FILIP1L: variants seen among roughly 807,000 people sequenced by gnomAD.
FILIP1L encodes filamin A interacting protein 1 like.
FILIP1L carries 55 observed loss-of-function variants against 96.6 expected under a neutral mutation model. The ratio of observed to expected loss-of-function variants is 0.57; its 90% CI spans 0.46 to 0.71. FILIP1L has a LOEUF of 0.71. Ranked by LOEUF, FILIP1L falls within the 30% of genes least tolerant of loss-of-function variation. The probability of loss-of-function intolerance (pLI) is 0.00; values close to 1 mark genes in which losing one functional copy is unlikely to be tolerated. For synonymous variants in FILIP1L, 467 were observed against 473.9 expected (o/e 0.99, Z 0.19); for missense variants, 1,304 against 1,321.2 (o/e 0.99, Z 0.20).
Position 99,850,758 on chromosome 3 carries a change from T to C in FILIP1L, c.918A>G (p.Gln306=), listed in dbSNP as rs749076151. 1.2e-6 allele frequency: 2 copies of C among 1,614,220 alleles called. No individual in the cohort carries two copies. Among genetic ancestry groups the C allele is most frequent in the East Asian group, 4.5e-5 (2 of 44,880 alleles). The change falls in exon 5 of 6, where the codon CAA becomes CAG. Residue 306 remains glutamine, a synonymous_variant. Transcript: ENST00000477258. ...QTQTTKFHQD[Q]DTIMAKLTNE... is the part of the protein sequence containing the mutation. ...TGGTGAGCTTCGCCATAATTGTGTCTTGGTCTTGGTGAAACTTTGTGGTCT... is the reference window on the plus strand; with the variant it reads ...TGGTGAGCTTCGCCATAATTGTGTCCTGGTCTTGGTGAAACTTTGTGGTCT...
At chr3:100,080,171 CG>C (rs1445416250) in intron 1 of FILIP1L, among the ~76,000 whole-genome samples, 1 of 151,928 alleles carries the variant, frequency 6.6e-6, no homozygotes, top group Non-Finnish European at 1.5e-5. Context: ...TTAATAGAGA[CG>C]GGGATCTCGC....
chr3:100,011,519 A>G (rs1710156436), intron 1 of FILIP1L, among the ~76,000 whole-genome samples: 2 of 152,174 alleles, frequency 1.3e-5, no homozygotes, highest in Non-Finnish European at 2.9e-5. Context: ...TTTTAATTTT[A>G]TAAACTAAAT....
intron 1 of FILIP1L, among the ~76,000 whole-genome samples, chr3:99,976,740 T>C (rs1708983834): frequency 6.6e-6 from 1 of 152,232 alleles, no homozygotes; most frequent in Non-Finnish European, 1.5e-5. Context: ...TGTTGTTACT[T>C]ACCCTACTCA....
chr3:99,853,825 A>G (rs1490566240), intron 4 of FILIP1L, among the ~76,000 whole-genome samples: 3 of 152,220 alleles, frequency 2.0e-5, no homozygotes, highest in Admixed American at 2.0e-4. Context: ...CTAGTCTAGT[A>G]AAGCCTGTCG....
At chr3:99,999,040 T>G (rs1709767949) in intron 1 of FILIP1L, among the ~76,000 whole-genome samples, 1 of 152,238 alleles carries the variant, frequency 6.6e-6, no homozygotes, top group African/African-American at 2.4e-5. Flanking sequence ...AAGCCTTCCG[T>G]GCCTCCCATA....
At chr3:99,841,753 C>A (rs1943141904) in intron 5 of FILIP1L, among the ~76,000 whole-genome samples, 1 of 152,148 alleles carries the variant, frequency 6.6e-6, no homozygotes, top group Non-Finnish European at 1.5e-5. Context: ...CACTAATTAT[C>A]AGGGAAATGC....
chr3:99,883,094 A>G (rs1705782161), intron 4 of FILIP1L, among the ~76,000 whole-genome samples: 1 of 152,224 alleles, frequency 6.6e-6, no homozygotes, highest in Admixed American at 6.5e-5. Flanking sequence ...TTTGGAAGAT[A>G]TGTCAAAAGT....
chr3:99,926,139 G>A (rs765497566), intron 3 of FILIP1L, among the ~76,000 whole-genome samples: 2 of 152,162 alleles, frequency 1.3e-5, no homozygotes, highest in Non-Finnish European at 2.9e-5. Context: ...ATCCTAAAAA[G>A]CATGTACTTG....
intron 1 of FILIP1L, among the ~76,000 whole-genome samples, chr3:99,976,295 G>A (rs192043626): frequency 1.5e-3 from 222 of 152,232 alleles, no homozygotes; most frequent in African/African-American, 4.1e-3. Context: ...TATGCTACGC[G>A]TTCCTGCTTA....
At chr3:99,967,504 G>A (rs945865377) in intron 1 of FILIP1L, among the ~76,000 whole-genome samples, 1 of 152,160 alleles carries the variant, frequency 6.6e-6, no homozygotes, top group African/African-American at 2.4e-5. Flanking sequence ...TGAATTTTTT[G>A]TTCCACTAAG....
chr3:100,089,477 T>C (rs1470223874), intron 1 of FILIP1L, among the ~76,000 whole-genome samples: 2 of 152,084 alleles, frequency 1.3e-5, no homozygotes, highest in Admixed American at 6.6e-5. Flanking sequence ...CCCTAAAGAG[T>C]AGATGGAGAT....
chr3:99,844,568 G>A (rs1576504082), intron 5 of FILIP1L, among the ~76,000 whole-genome samples: 1 of 152,158 alleles, frequency 6.6e-6, no homozygotes. Flanking sequence ...CTACTAAAAC[G>A]TTTTTATTGG....
At chr3:99,984,397 G>C (rs1164283129) in intron 1 of FILIP1L, among the ~76,000 whole-genome samples, 2 of 152,180 alleles carry the variant, frequency 1.3e-5, no homozygotes, top group Non-Finnish European at 2.9e-5. Context: ...TGACAGAGCA[G>C]AAACAGGAGG....
intron 5 of FILIP1L, among the ~76,000 whole-genome samples, chr3:99,833,874 T>C (rs1361238284): frequency 2.6e-5 from 4 of 152,268 alleles, no homozygotes; most frequent in African/African-American, 4.8e-5. Context: ...CCATGTGTTA[T>C]CAGAATTGAC....
intron 1 of FILIP1L, among the ~76,000 whole-genome samples, chr3:99,968,277 G>A (rs917162327): frequency 6.6e-5 from 10 of 152,108 alleles, no homozygotes; most frequent in Non-Finnish European, 1.3e-4. Context: ...CAAAAAAATG[G>A]CAAACTACAG....
intron 1 of FILIP1L, among the ~76,000 whole-genome samples, chr3:99,987,100 T>C (rs2107116717): frequency 6.6e-6 from 1 of 152,034 alleles, no homozygotes; most frequent in Admixed American, 6.6e-5. Context: ...CGTGGTGGCA[T>C]GCACCTGTAG....
intron 1 of FILIP1L, among the ~76,000 whole-genome samples, chr3:99,934,844 G>T (rs1172545110): frequency 6.6e-6 from 1 of 152,200 alleles, no homozygotes; most frequent in Non-Finnish European, 1.5e-5. Context: ...TACTGTGTTT[G>T]TTATTCTTCT....
chr3:100,060,355 C>A (rs1288375952), intron 1 of FILIP1L, among the ~76,000 whole-genome samples: 1 of 152,126 alleles, frequency 6.6e-6, no homozygotes, highest in Admixed American at 6.5e-5. Context: ...TCCCTTTATA[C>A]CACATCCAAA....
chr3:99,951,082 T>G (rs1268157074), intron 1 of FILIP1L, among the ~76,000 whole-genome samples: 1 of 152,184 alleles, frequency 6.6e-6, no homozygotes, highest in African/African-American at 2.4e-5. Context: ...TTGAGTTAAG[T>G]CACTTACACT....
Sources: gnomAD v4.1 joint callset for allele counts (sites outside exome capture counted in the v4.1 genomes callset) on GRCh38, gnomAD v4.1.1 for gene constraint, MANE v1.5 for transcripts, NCBI Gene and HGNC (gene_info 2026-07-23, HGNC 2026-07-21) for gene names.